ADAMTS17: variants seen among roughly 807,000 people sequenced by gnomAD.
ADAMTS17 encodes the protein ADAM metallopeptidase with thrombospondin type 1 motif 17, also known as A disintegrin and metalloproteinase with thrombospondin motifs 17.
A neutral mutation model predicts 141.5 loss-of-function variants in ADAMTS17; 113 were observed. The observed-to-expected ratio is 0.80, with a 90% CI of 0.69 to 0.93. The LOEUF (loss-of-function observed/expected upper bound fraction) is 0.93, where lower values mean the gene tolerates loss of function less well. Among genes scored for constraint, ADAMTS17 ranks in the 40% least tolerant of loss-of-function variants. The pLI is 0.00. For synonymous variants in ADAMTS17, 768 were observed against 630.6 expected (o/e 1.22, Z -3.27); for missense variants, 1,659 against 1,517.9 (o/e 1.09, Z -1.54).
intron 3 of ADAMTS17, among the ~76,000 whole-genome samples, chr15:100,288,846 G>A (rs1016325630): frequency 6.6e-6 from 1 of 152,112 alleles, no homozygotes; most frequent in African/African-American, 2.4e-5. Flanking sequence ...TTGAGAGACA[G>A]CTAAAGCAGA....
chr15:100,012,454 TG>T (rs577623808), intron 18 of ADAMTS17, among the ~76,000 whole-genome samples: 110 of 152,346 alleles, frequency 7.2e-4, no homozygotes, highest in Non-Finnish European at 1.3e-3. Flanking sequence ...ATGAAATCCT[TG>T]CCTAAGCCAA....
chr15:100,053,665 G>C (rs2032318516), intron 16 of ADAMTS17, among the ~76,000 whole-genome samples: 1 of 152,194 alleles, frequency 6.6e-6, no homozygotes, highest in African/African-American at 2.4e-5. Context: ...AGCTCGGCCA[G>C]GGAAGAGCCA....
intron 8 of ADAMTS17, among the ~76,000 whole-genome samples, chr15:100,190,351 T>C (rs2040871787): frequency 6.6e-6 from 1 of 152,194 alleles, no homozygotes; most frequent in African/African-American, 2.4e-5. Context: ...TTGGCAAAAC[T>C]ACCACCTTCG....
At chr15:100,131,278 T>C (rs1299344897) in intron 12 of ADAMTS17, among the ~76,000 whole-genome samples, 3 of 149,372 alleles carry the variant, frequency 2.0e-5, no homozygotes, top group Non-Finnish European at 4.4e-5. Flanking sequence ...AGGTGACGAG[T>C]TGATGGGTGC....
At chr15:100,155,764 T>A (rs2039405770) in intron 8 of ADAMTS17, among the ~76,000 whole-genome samples, 1 of 152,230 alleles carries the variant, frequency 6.6e-6, no homozygotes, top group Admixed American at 6.5e-5. Context: ...TACAGAATGA[T>A]CTGAATCTAA....
intron 15 of ADAMTS17, among the ~76,000 whole-genome samples, chr15:100,075,662 C>A (rs2034320603): frequency 6.6e-6 from 1 of 152,174 alleles, no homozygotes; most frequent in Non-Finnish European, 1.5e-5. Context: ...TCCTGGGATA[C>A]AAGGCTATAT....
At position 99,974,477 on chromosome 15, in the gene ADAMTS17, C is replaced by G. The variant is rs201874119; in HGVS notation, c.3213G>C (p.Arg1071=). 4 of 1,614,250 alleles carry G rather than the reference C, an allele frequency of 2.5e-6. No individual in the cohort carries two copies. The African/African-American group carries it at 5.3e-5, about 22-fold the overall frequency. ...IREKNLCQDM[R]WYQRCCQTCR... ...AGGTCTGGCAGCAGCGCTGGTACCA[C>G]CGCATGTCCTGGCAGAGGTTCTTTT... Residue 1071 remains arginine (R), a synonymous_variant, in exon 22 of 22, where the codon CGG becomes CGC. Coordinates refer to ENST00000268070, the MANE Select transcript of ADAMTS17 (RefSeq NM_139057.4).
At chr15:99,984,863 CAG>C (rs1237639478) in intron 20 of ADAMTS17, among the ~76,000 whole-genome samples, 1 of 152,236 alleles carries the variant, frequency 6.6e-6, no homozygotes, top group East Asian at 1.9e-4. Flanking sequence ...ATGGGATGAC[CAG>C]GCTTCCCCGC....
intron 15 of ADAMTS17, among the ~76,000 whole-genome samples, chr15:100,089,827 T>A: frequency 9.6e-6 from 1 of 104,592 alleles, no homozygotes; most frequent in African/African-American, 3.7e-5. Context: ...CACTGGGGAC[T>A]GTTGTGGGGT....
chr15:100,194,670 C>T (rs757035940), intron 8 of ADAMTS17, among the ~76,000 whole-genome samples: 1 of 152,168 alleles, frequency 6.6e-6, no homozygotes, highest in Non-Finnish European at 1.5e-5. Context: ...GAAACAAATG[C>T]TTACTTCTGG....
intron 7 of ADAMTS17, among the ~76,000 whole-genome samples, chr15:100,247,401 C>T (rs79290350): frequency 0.012 from 1,892 of 152,244 alleles, 44 homozygotes; most frequent in Middle Eastern, 0.068. Flanking sequence ...CTTTTGACAC[C>T]GCTTTTTGAC....
intron 15 of ADAMTS17, chr15:100,063,588 C>T (rs571093674): frequency 3.0e-5 from 34 of 1,139,512 alleles, no homozygotes; most frequent in East Asian, 1.2e-4. Context: ...AGCCATAACC[C>T]GGGAGGAATG....
At chr15:100,002,100 C>T (rs182439358) in intron 18 of ADAMTS17, among the ~76,000 whole-genome samples, 2 of 147,776 alleles carry the variant, frequency 1.4e-5, no homozygotes, top group African/African-American at 5.0e-5. Context: ...GATACTATTT[C>T]TATATTTTTA....
At chr15:100,274,169 G>A (rs566461781) in intron 4 of ADAMTS17, among the ~76,000 whole-genome samples, 35 of 152,292 alleles carry the variant, frequency 2.3e-4, no homozygotes, top group Middle Eastern at 3.4e-3. Flanking sequence ...GTTGGGTAGA[G>A]TGTTCTGTGT....
Position 100,034,604 on chromosome 15 carries a change from G to A in ADAMTS17, c.2591+14253C>T, listed in dbSNP as rs73482793. 4.6e-5 allele frequency among the ~76,000 whole-genome samples: 7 copies of A among 152,344 alleles called. No individual in the cohort carries two copies. The South Asian group carries it at 1.4e-3, about 32-fold the overall frequency. On this transcript the variant is annotated intron_variant, in intron 18 of 21. Coordinates refer to ENST00000268070, the MANE Select transcript of ADAMTS17 (RefSeq NM_139057.4). ...CACCATTGTTTCTATCAGAACTGGT[G>A]TTTGTGACCTTGGCCGACAAGCAGT...
Position 100,025,342 on chromosome 15 carries a change from G to GT in ADAMTS17, c.2591+23514dup, listed in dbSNP as rs140147734. Among the ~76,000 whole-genome samples the GT allele has an allele frequency of 4.7e-3, 697 of 149,560 alleles. 7 individuals carry two copies. The highest frequency in any genetic ancestry group is 0.016 in the African/African-American group (659 of 40,780). ...TTTTGAATCGGTTTCTTTTAGGTGT[G>GT]TTTTTTTGCATACAGCATATAGTTG... On this transcript the variant is annotated intron_variant, in intron 18 of 21. Transcript: ENST00000268070.
At chr15:100,223,801 A>G in intron 7 of ADAMTS17, among the ~76,000 whole-genome samples, 2 of 151,630 alleles carry the variant, frequency 1.3e-5, no homozygotes, top group African/African-American at 2.4e-5. Flanking sequence ...GTGGGTGTAT[A>G]TATATGTGTG....
intron 3 of ADAMTS17, among the ~76,000 whole-genome samples, chr15:100,290,919 C>T (rs1014281481): frequency 6.6e-6 from 1 of 152,016 alleles, no homozygotes. Flanking sequence ...TAGGAAATAC[C>T]ATTCTATACA....
intron 7 of ADAMTS17, among the ~76,000 whole-genome samples, chr15:100,216,992 T>A (rs2041988475): frequency 6.6e-6 from 1 of 152,156 alleles, no homozygotes; most frequent in Non-Finnish European, 1.5e-5. Context: ...CTAAAAATAA[T>A]AAAATTAGTT....
Sources: gnomAD v4.1 joint callset for allele counts (sites outside exome capture counted in the v4.1 genomes callset) on GRCh38, gnomAD v4.1.1 for gene constraint, MANE v1.5 for transcripts, NCBI Gene and HGNC (gene_info 2026-07-23, HGNC 2026-07-21) for gene names.